The following LDHD variants were observed in gnomAD, a reference collection of about 807,000 sequenced individuals.
LDHD encodes the protein lactate dehydrogenase D.
Under a neutral mutation model 52.9 loss-of-function variants are expected in LDHD, and 58 were observed. That is an observed-to-expected ratio of 1.10 (90% confidence interval 0.89 to 1.36). The LOEUF (loss-of-function observed/expected upper bound fraction) is 1.36, where lower values mean the gene tolerates loss of function less well. Ranked by LOEUF, LDHD falls within the 40% of genes most tolerant of loss-of-function variation. The probability of loss-of-function intolerance (pLI) is 0.00; values close to 1 mark genes in which losing one functional copy is unlikely to be tolerated. For missense variants in LDHD, 747 were observed against 668.0 expected, an observed-to-expected ratio of 1.12 and a Z score of -1.30; for synonymous variants, 350 against 288.6, an observed-to-expected ratio of 1.21 and a Z score of -2.16.
At position 75,114,979 on chromosome 16, in the gene LDHD, CA is replaced by C; in HGVS notation, c.328-12del. On this transcript the variant is annotated splice_polypyrimidine_tract_variant and intron_variant, in intron 3 of 10. Coordinates refer to ENST00000450168, the MANE Select transcript of LDHD (RefSeq NM_194436.3). ...AACGCAGACGCCGCCCTGGTTGGGG[CA>C]GGTGCTAAGACCACTGCAGACCTGG... 1.2e-6 allele frequency: 2 copies of C among 1,605,752 alleles called. No individual in the cohort carries two copies. Among genetic ancestry groups the C allele is most frequent in the Non-Finnish European group, 1.7e-6 (2 of 1,176,180 alleles).
In LDHD at chr16:75,112,506, G is replaced by T. The variant is rs1225063351; in HGVS notation, c.1305C>A (p.Leu435=). 1.2e-6 allele frequency: 2 copies of T among 1,613,162 alleles called. No homozygotes were observed. The highest frequency in any genetic ancestry group is 2.7e-5 in the African/African-American group (2 of 74,936). ...AEQLGRRALA[L]HGTCTGEHGI... is the part of the protein sequence containing the mutation. ...CATGCTCCCCCGTGCACGTTCCGTGGAGAGCCAGTGCCCGCCTGGGGGCAG... is the reference window on the plus strand; with the variant it reads ...CATGCTCCCCCGTGCACGTTCCGTGTAGAGCCAGTGCCCGCCTGGGGGCAG... Residue 435 remains leucine, a synonymous_variant, in exon 11 of 11, where the codon CTC becomes CTA. Coordinates refer to ENST00000450168, the MANE Select transcript of LDHD (RefSeq NM_194436.3).
Position 75,112,536 on chromosome 16 carries a change from G to A in LDHD, c.1290-15C>T. Reference sequence around the variant, plus strand: ...CCAGTGCCCGCCTGGGGGCAGGAAGGAGACATCCTCAGGGGGCTCCCTTTC... The same window carrying A: ...CCAGTGCCCGCCTGGGGGCAGGAAGAAGACATCCTCAGGGGGCTCCCTTTC... On this transcript the variant is annotated splice_polypyrimidine_tract_variant and intron_variant, in intron 10 of 10. Transcript: ENST00000450168. The A allele has an allele frequency of 6.2e-7, 1 of 1,613,126 alleles. No individual in the cohort carries two copies. The highest frequency in any genetic ancestry group is 8.5e-7 in the Non-Finnish European group (1 of 1,179,646).
Position 75,113,520 on chromosome 16 carries a change from C to A in LDHD, c.1086+15G>T. 6.3e-7 allele frequency: 1 copy of A among 1,599,052 alleles called. No individual in the cohort carries two copies. Among genetic ancestry groups the A allele is most frequent in the South Asian group, 1.1e-5 (1 of 89,928 alleles). The stretch of plus-strand genomic sequence containing the variant: ...CCGAGCTGTGGGCCCCATCTGTACC[C>A]CAGCCCCAGCTCACCTTGCAGCCTG... On this transcript the variant is annotated intron_variant, in intron 8 of 10. Transcript: ENST00000450168.
intron 3 of LDHD, 42 bp from the exon 4 acceptor site, chr16:75,115,010 C>G (rs546115870): frequency 6.3e-7 from 1 of 1,583,022 alleles, no homozygotes; most frequent in African/African-American, 1.3e-5. Flanking sequence ...ACCTGGGTCT[C>G]TGACCTGGCC....
Position 75,113,542 on chromosome 16 carries a change from C to G in LDHD, c.1079G>C (p.Gly360Ala), listed in dbSNP as rs958046826. 1 of 1,607,134 alleles carries G rather than the reference C, an allele frequency of 6.2e-7. No individual in the cohort carries two copies. Among genetic ancestry groups the G allele is most frequent in the Non-Finnish European group, 8.5e-7 (1 of 1,177,076 alleles). Residue 360 changes from glycine (G) to alanine (A), a missense_variant, in exon 8 of 11, where the codon GGC becomes GCC. Physicochemically the swap from Gly to Ala is moderately conservative, Grantham distance 60. Coordinates refer to ENST00000450168, the MANE Select transcript of LDHD (RefSeq NM_194436.3). ...AWYAALATRP[G>A]CKGYSTDVCV... Reference sequence around the variant, plus strand: ...ACCCCAGCCCCAGCTCACCTTGCAGCCTGGCCGCGTGGCCAGGGCTGCGTA... The same window carrying G: ...ACCCCAGCCCCAGCTCACCTTGCAGGCTGGCCGCGTGGCCAGGGCTGCGTA...
In LDHD at chr16:75,113,519, C is replaced by T. The variant is rs1392705400; in HGVS notation, c.1086+16G>A. ...GCCGAGCTGTGGGCCCCATCTGTAC[C>T]CCAGCCCCAGCTCACCTTGCAGCCT... is the stretch of plus-strand genomic sequence containing the variant. On this transcript the variant is annotated intron_variant, in intron 8 of 10. Transcript: ENST00000450168. The T allele has an allele frequency of 4.4e-6, 7 of 1,598,494 alleles. No homozygotes were observed. The highest frequency in any genetic ancestry group is 5.1e-6 in the Non-Finnish European group (6 of 1,173,330).
intron 6 of LDHD, 32 bp from the exon 7 acceptor site, chr16:75,113,902 G>T (rs1368859948): frequency 6.2e-7 from 1 of 1,612,284 alleles, no homozygotes; most frequent in Non-Finnish European, 8.5e-7. Flanking sequence ...GCCAGGTGAG[G>T]CCTGGCCTTC....
intron 2 of LDHD, 89 bp from the exon 3 acceptor site, chr16:75,115,428 C>G: frequency 1.3e-6 from 2 of 1,594,868 alleles, no homozygotes; most frequent in Non-Finnish European, 1.7e-6. Context: ...AAGCGAGGGG[C>G]AGAGAACATG....
intron 3 of LDHD, 26 bp downstream of exon 3, chr16:75,115,172 G>A (rs769976614): frequency 1.1e-5 from 18 of 1,602,966 alleles, no homozygotes; most frequent in Admixed American, 1.7e-5. Flanking sequence ...ACCATCCTCG[G>A]GCCGGGCGAG....
rs780235291 is a variant in LDHD, at chr16:75,112,391, G to T, written c.1420C>A (p.Pro474Thr). 1.9e-6 allele frequency: 3 copies of T among 1,613,296 alleles called. No individual in the cohort carries two copies. The highest frequency in any genetic ancestry group is 1.1e-5 in the South Asian group (1 of 91,082). ...TTGCCTGGATTCATGAGGCCTTGGG[G>T]GTCTAGCACGGCCTTGAGCTGCCGC... ...TMRQLKAVLDPQGLMNPGKVL is the reference protein window; with the variant it reads ...TMRQLKAVLDTQGLMNPGKVL Residue 474 changes from proline to threonine, a missense_variant, in exon 11 of 11, where the codon CCC (proline) becomes ACC (threonine). Pro to Thr is a conservative substitution (Grantham distance 38). Coordinates refer to ENST00000450168, the MANE Select transcript of LDHD (RefSeq NM_194436.3).
chr16:75,116,160 C>A lies in LDHD; in HGVS notation c.72+489G>T, dbSNP rs114989773. ...CCTCACTTCCTCCTTTCTCCAGGGC[C>A]AACCAAGCACCACCCCAGCCACAGG... On this transcript the variant is annotated intron_variant, in intron 1 of 10. Transcript: ENST00000450168. Among the ~76,000 whole-genome samples, 1,108 of 152,296 alleles carry A rather than the reference C, an allele frequency of 7.3e-3. 12 individuals are homozygous for A. The highest frequency in any genetic ancestry group is 0.025 in the African/African-American group (1,051 of 41,564).
Position 75,114,149 on chromosome 16 carries a change from A to G in LDHD, c.646T>C (p.Tyr216His), listed in dbSNP as rs2036480784. ...CCCACGAAGAGCCCCGTGAGGTTGT[A>G]GCCGGCTGCACTCTTCCTACGTCCC... is the stretch of plus-strand genomic sequence containing the variant. ...GRHFRKSAAG[Y>H]NLTGLFVGSE... is the part of the protein sequence containing the mutation. The change falls in exon 6 of 11, where the codon TAC becomes CAC. Residue 216 changes from tyrosine to histidine, a missense_variant. Tyr to His is a moderately conservative substitution (Grantham distance 83). Transcript: ENST00000450168. 6.2e-7 allele frequency: 1 copy of G among 1,612,698 alleles called. No homozygotes were observed. The highest frequency in any genetic ancestry group is 1.1e-5 in the South Asian group (1 of 91,086).
rs2036429058 is a variant in LDHD at position 75,112,713 on chromosome 16, C to T, written c.1178G>A (p.Gly393Glu). ...GTCACCCACATGCCCGACAATGCTT[C>T]CTGGGGGCCCAGAGGACAGAACTAT... Reference protein sequence around the residue: ...KEDLNASGLTGSIVGHVGDGN... With the variant: ...KEDLNASGLTESIVGHVGDGN... Residue 393 changes from glycine (G) to glutamate (E), a missense_variant and splice_region_variant, in exon 10 of 11, where the codon GGA (glycine) becomes GAA (glutamate). Transcript: ENST00000450168. The T allele has an allele frequency of 1.2e-5, 19 of 1,613,420 alleles. No individual in the cohort carries two copies. The highest frequency in any genetic ancestry group is 1.6e-5 in the Non-Finnish European group (19 of 1,179,442).
chr16:75,113,854 G>T lies in LDHD; in HGVS notation c.846C>A (p.Val282=). 1.2e-6 allele frequency: 2 copies of T among 1,614,016 alleles called. No individual in the cohort carries two copies. The highest frequency in any genetic ancestry group is 1.1e-5 in the South Asian group (1 of 91,054). ...PVARIEFLDE[V]MMDACNRYSK... ...TGTACCTGTTGCAGGCATCCATCATGACTTCATCCAGGAACTCTGGATCCA... is the reference window on the plus strand; with the variant it reads ...TGTACCTGTTGCAGGCATCCATCATTACTTCATCCAGGAACTCTGGATCCA... Residue 282 remains valine (V), a synonymous_variant, in exon 7 of 11, where the codon GTC becomes GTA. Transcript: ENST00000450168.
chr16:75,112,402 G>A lies in LDHD; in HGVS notation c.1409C>T (p.Ala470Val), dbSNP rs566067982. The A allele has an allele frequency of 5.5e-5, 89 of 1,613,466 alleles. 3 individuals carry two copies. The South Asian group carries it at 9.6e-4, about 17-fold the overall frequency. Residue 470 changes from alanine (A) to valine (V), a missense_variant, in exon 11 of 11, where the codon GCC (alanine) becomes GTC (valine). Transcript: ENST00000450168. ...VGVETMRQLKAVLDPQGLMNP... is the reference protein window; with the variant it reads ...VGVETMRQLKVVLDPQGLMNP... The stretch of plus-strand genomic sequence containing the variant: ...CATGAGGCCTTGGGGGTCTAGCACG[G>A]CCTTGAGCTGCCGCATGGTCTCCAC...
intron 5 of LDHD, 85 bp downstream of exon 5, chr16:75,114,441 G>C (rs887794320): frequency 1.2e-5 from 17 of 1,400,040 alleles, no homozygotes; most frequent in Middle Eastern, 2.6e-4. Flanking sequence ...CCGCCAGGAG[G>C]TGCTTTTCAC....
Position 75,114,596 on chromosome 16 carries a change from CGTT to C in LDHD, c.556_558del (p.Asn186del). The C allele has an allele frequency of 6.5e-7, 1 of 1,534,464 alleles. No homozygotes were observed. Among genetic ancestry groups the C allele is most frequent in the Non-Finnish European group, 8.7e-7 (1 of 1,145,296 alleles). On this transcript the variant is annotated inframe_deletion, in exon 5 of 11. Transcript: ENST00000450168. ...GGCAGCACCACCTCCAGGTTGAGCA[CGTT>C]GTCCCGCATGGTGCCGTAGCGGACC...
In LDHD at chr16:75,115,352, C is replaced by T. The variant is rs1356328131; in HGVS notation, c.186-13G>A. ...AGGAGGTTCGCACCTAGAACCAGAC[C>T]CTCAGCGATTTAGCGGGGCGTGACA... On this transcript the variant is annotated splice_polypyrimidine_tract_variant and intron_variant, in intron 2 of 10. Transcript: ENST00000450168. 1 of 1,613,092 alleles carries T rather than the reference C, an allele frequency of 6.2e-7. No homozygotes were observed. Among genetic ancestry groups the T allele is most frequent in the East Asian group, 2.2e-5 (1 of 44,870 alleles).
rs1411432250 is a variant in LDHD, at chr16:75,112,622, A to T, written c.1269T>A (p.Ala423=). The change falls in exon 10 of 11, where the codon GCT becomes GCA. Residue 423 remains alanine, a synonymous_variant. Coordinates refer to ENST00000450168, the MANE Select transcript of LDHD (RefSeq NM_194436.3). Reference sequence around the variant, plus strand: ...CCTACCTGCCCAGCTGTTCTGCAAAAGCCTTGACCCTGCCCAGTTCCTCGG... The same window carrying T: ...CCTACCTGCCCAGCTGTTCTGCAAATGCCTTGACCCTGCCCAGTTCCTCGG... ...DDAEELGRVK[A]FAEQLGRRAL... The T allele has an allele frequency of 1.2e-6, 2 of 1,613,986 alleles. No individual in the cohort carries two copies. Among genetic ancestry groups the T allele is most frequent in the Middle Eastern group, 1.6e-4 (1 of 6,084 alleles).
Sources: gnomAD v4.1 joint callset for allele counts (sites outside exome capture counted in the v4.1 genomes callset) on GRCh38, gnomAD v4.1.1 for gene constraint, MANE v1.5 for transcripts, NCBI Gene and HGNC (gene_info 2026-07-23, HGNC 2026-07-21) for gene names.